The following STAB2 variants were observed in gnomAD, a reference collection of about 807,000 sequenced individuals.
STAB2 encodes stabilin 2.
In STAB2, 288 loss-of-function variants were observed where a neutral mutation model predicts 338.1. The observed-to-expected ratio is 0.85, with a 90% CI of 0.77 to 0.94. The LOEUF (loss-of-function observed/expected upper bound fraction) is 0.94. Ranked by LOEUF, STAB2 falls within the 40% of genes least tolerant of loss-of-function variation. The pLI, the probability that STAB2 is intolerant of heterozygous loss-of-function variation, is 0.00. For missense variants in STAB2, 3,141 were observed against 3,210.1 expected, an observed-to-expected ratio of 0.98 and a Z score of 0.52; for synonymous variants, 1,202 against 1,193.3, an observed-to-expected ratio of 1.01 and a Z score of -0.15.
intron 22 of STAB2, among the ~76,000 whole-genome samples, chr12:103,671,556 G>T (rs185200894): frequency 6.6e-6 from 1 of 152,162 alleles, no homozygotes; most frequent in Non-Finnish European, 1.5e-5. Context: ...ACTTCTCTAG[G>T]CCTCAGTTTC....
At chr12:103,699,286 A>G in intron 34 of STAB2, 59 bp downstream of exon 34, 9 of 1,557,018 alleles carry the variant, frequency 5.8e-6, no homozygotes, top group Non-Finnish European at 7.0e-6. Context: ...CAGGGAGAGT[A>G]TGAGGAATGA....
In STAB2 at chr12:103,668,630, T is replaced by A; in HGVS notation, c.2086-13T>A. ...TGCTGACTGCCATGCTTTCCCTCCT[T>A]GGCTTTCTCCAGGCACTCTTCACAC... On this transcript the variant is annotated splice_polypyrimidine_tract_variant and intron_variant, in intron 19 of 68. Transcript: ENST00000388887. 1 of 1,551,280 alleles carries A rather than the reference T, an allele frequency of 6.4e-7. No individual in the cohort carries two copies. Among genetic ancestry groups the A allele is most frequent in the South Asian group, 1.2e-5 (1 of 84,066 alleles).
intron 12 of STAB2, among the ~76,000 whole-genome samples, chr12:103,653,336 G>A (rs1338826096): frequency 6.6e-6 from 1 of 152,186 alleles, no homozygotes; most frequent in African/African-American, 2.4e-5. Context: ...TCTAAGCAAA[G>A]TATGGGGATA....
chr12:103,723,661 G>A (rs904503902), intron 44 of STAB2, among the ~76,000 whole-genome samples: 3 of 152,194 alleles, frequency 2.0e-5, no homozygotes, highest in African/African-American at 4.8e-5. Context: ...CCGCCAGCCC[G>A]GCAGACCCAG....
chr12:103,641,094 T>C (rs144118804), intron 9 of STAB2, among the ~76,000 whole-genome samples: 1 of 152,344 alleles, frequency 6.6e-6, no homozygotes, highest in African/African-American at 2.4e-5. Flanking sequence ...CATAGTGCCA[T>C]TGTGAGCTCA....
intron 67 of STAB2, among the ~76,000 whole-genome samples, chr12:103,762,799 C>T (rs1192142907): frequency 6.6e-6 from 1 of 152,230 alleles, no homozygotes; most frequent in Non-Finnish European, 1.5e-5. Flanking sequence ...GGGGACAGGG[C>T]TAGGGACCCT....
chr12:103,694,240 CTT>C (rs1023228389), intron 31 of STAB2, among the ~76,000 whole-genome samples: 4 of 152,182 alleles, frequency 2.6e-5, no homozygotes, highest in African/African-American at 9.7e-5. Context: ...AAAGGAGTGT[CTT>C]TTTCTTGATT....
At chr12:103,703,384 A>T in intron 35 of STAB2, 108 bp downstream of exon 35, 3 of 1,349,464 alleles carry the variant, frequency 2.2e-6, no homozygotes, top group Non-Finnish European at 3.0e-6. Flanking sequence ...AATTCAGTCC[A>T]TAAACCACTG....
At chr12:103,702,084 T>A (rs1878929996) in intron 34 of STAB2, among the ~76,000 whole-genome samples, 2 of 150,568 alleles carry the variant, frequency 1.3e-5, no homozygotes, top group South Asian at 4.2e-4. Context: ...TATTAATGAA[T>A]GAATCCATGG....
chr12:103,749,839 C>CAAAAAAA (rs1883447831), intron 59 of STAB2, among the ~76,000 whole-genome samples: 1 of 18,262 alleles, frequency 5.5e-5, no homozygotes, highest in African/African-American at 2.7e-4. Context: ...GACTCTGTCT[C>CAAAAAAA]ACAAAAAAAA....
chr12:103,635,109 G>A (rs1017599221), intron 6 of STAB2, among the ~76,000 whole-genome samples: 2 of 152,170 alleles, frequency 1.3e-5, no homozygotes, highest in African/African-American at 4.8e-5. Context: ...TGCACATCTT[G>A]AGAGCAATAC....
At chr12:103,672,080 C>T (rs1875852783) in intron 22 of STAB2, among the ~76,000 whole-genome samples, 4 of 152,148 alleles carry the variant, frequency 2.6e-5, no homozygotes. Flanking sequence ...GCTTTTGGCA[C>T]AGAGCTTGCA....
At chr12:103,610,536 G>A (rs7965984) in intron 3 of STAB2, among the ~76,000 whole-genome samples, 5 of 151,852 alleles carry the variant, frequency 3.3e-5, no homozygotes, top group East Asian at 1.9e-4. Context: ...TGGTGATATC[G>A]CCTTTATCAT....
In STAB2 at chr12:103,749,017, C is replaced by T. The variant is rs755159248; in HGVS notation, c.6299C>T (p.Ser2100Phe). Residue 2100 changes from serine to phenylalanine, a missense_variant, in exon 59 of 69, where the codon TCC becomes TTC. Transcript: ENST00000388887. The part of the protein sequence containing the change: ...NGGCAKVARC[S>F]QKGTKVSCSC... ...GGCTGTGCAAAGGTGGCCAGATGCTCCCAGAAGGGCACGAAGGTCTCCTGC... is the reference window on the plus strand; with the variant it reads ...GGCTGTGCAAAGGTGGCCAGATGCTTCCAGAAGGGCACGAAGGTCTCCTGC... 1 of 1,614,084 alleles carries T rather than the reference C, an allele frequency of 6.2e-7. No individual in the cohort carries two copies. Among genetic ancestry groups the T allele is most frequent in the Non-Finnish European group, 8.5e-7 (1 of 1,180,002 alleles).
In STAB2 at chr12:103,674,045, G is replaced by A; in HGVS notation, c.2510G>A (p.Cys837Tyr). ...GCCTGTGGGCCCTACGTGCAGTTCT[G>A]TCACATCCACGCCACCTGTGAATAC... ...TSACGPYVQF[C>Y]HIHATCEYSN... The change falls in exon 23 of 69, where the codon TGT becomes TAT. Residue 837 changes from cysteine to tyrosine, a missense_variant. Physicochemically the swap from Cys to Tyr is radical, Grantham distance 194 (BLOSUM62 -2). Transcript: ENST00000388887. 1.9e-6 allele frequency: 3 copies of A among 1,613,802 alleles called. No homozygotes were observed. The highest frequency in any genetic ancestry group is 2.5e-6 in the Non-Finnish European group (3 of 1,179,776).
intron 5 of STAB2, among the ~76,000 whole-genome samples, chr12:103,631,080 T>C (rs1957453225): frequency 6.6e-6 from 1 of 152,240 alleles, no homozygotes; most frequent in Non-Finnish European, 1.5e-5. Context: ...ATCCCTGAAA[T>C]GATCTGTCAC....
chr12:103,750,272 C>T (rs1883508038), intron 59 of STAB2, among the ~76,000 whole-genome samples: 1 of 152,128 alleles, frequency 6.6e-6, no homozygotes, highest in Non-Finnish European at 1.5e-5. Flanking sequence ...TCAGAGAGCA[C>T]AAGGAGCCCT....
intron 18 of STAB2, among the ~76,000 whole-genome samples, chr12:103,664,202 G>A (rs1017517465): frequency 1.3e-5 from 2 of 152,092 alleles, no homozygotes; most frequent in African/African-American, 2.4e-5. Context: ...GGAGTGCAGT[G>A]GCAGGATCTC....
intron 12 of STAB2, among the ~76,000 whole-genome samples, chr12:103,653,832 CCGGATGGGTGGA>C (rs1873962532): frequency 1.2e-5 from 1 of 85,722 alleles, no homozygotes; most frequent in African/African-American, 5.3e-5. Context: ...GGATAGGTCA[CCGGATGGGTGGA>C]TGGATGGATG....
Sources: gnomAD v4.1 joint callset for allele counts (sites outside exome capture counted in the v4.1 genomes callset) on GRCh38, gnomAD v4.1.1 for gene constraint, MANE v1.5 for transcripts, NCBI Gene and HGNC (gene_info 2026-07-23, HGNC 2026-07-21) for gene names.